Variants in ATP2B2 observed in about 807,000 individuals in gnomAD.
The protein encoded by ATP2B2 is ATPase plasma membrane Ca2+ transporting 2.
A neutral mutation model predicts 120.0 loss-of-function variants in ATP2B2; 15 were observed. The ratio of observed to expected loss-of-function variants is 0.12; its 90% CI spans 0.08 to 0.19. ATP2B2 has a LOEUF of 0.19. ATP2B2 is among the 10% of genes least tolerant of loss of function. The probability of loss-of-function intolerance (pLI) is 1.00; values close to 1 mark genes in which losing one functional copy is unlikely to be tolerated. For missense variants in ATP2B2, 1,045 were observed against 1,719.8 expected (o/e 0.61, Z 6.94); for synonymous variants, 694 against 700.3 (o/e 0.99, Z 0.14).
At chr3:10,394,564 C>T (rs1185759342) in intron 5 of ATP2B2, 1 of 462,226 alleles carries the variant, frequency 2.2e-6, no homozygotes, top group Non-Finnish European at 4.6e-6. Context: ...AGAGTGCGGG[C>T]CGAGTAGCAG....
At position 10,338,251 on chromosome 3, in the gene ATP2B2, C is replaced by T. The variant is rs1020586164; in HGVS notation, c.3345G>A (p.Glu1115=). 3 of 1,614,018 alleles carry T rather than the reference C, an allele frequency of 1.9e-6. No homozygotes were observed. The African/African-American group carries it at 4.0e-5, about 22-fold the overall frequency. ...PEEELNEDVE[E]IDHAERELRR... ...GCAGCTCCCGCTCCGCGTGGTCGAT[C>T]TCCTCCACGTCCTCGTTGAGCTCCT... The change falls in exon 22 of 23, where the codon GAG becomes GAA. Residue 1115 remains glutamate (E), a synonymous_variant. Coordinates refer to ENST00000360273, the MANE Select transcript of ATP2B2 (RefSeq NM_001001331.4).
At chr3:10,469,894 C>T (rs988479008) in intron 1 of ATP2B2, among the ~76,000 whole-genome samples, 4 of 152,004 alleles carry the variant, frequency 2.6e-5, no homozygotes, top group African/African-American at 4.8e-5. Context: ...CCTCCCAGCT[C>T]GCGCCTTGGT....
chr3:10,677,319 T>C (rs1315564222), intron 1 of ATP2B2, among the ~76,000 whole-genome samples: 1 of 152,160 alleles, frequency 6.6e-6, no homozygotes, highest in African/African-American at 2.4e-5. Flanking sequence ...AAAGGCTGCA[T>C]ACTATAAGGT....
At chr3:10,660,145 G>C (rs1199291425) in intron 1 of ATP2B2, among the ~76,000 whole-genome samples, 1 of 152,164 alleles carries the variant, frequency 6.6e-6, no homozygotes, top group Non-Finnish European at 1.5e-5. Flanking sequence ...AGAGAAATCG[G>C]GAAAGATCTA....
At chr3:10,476,686 G>A (rs919007276) in intron 1 of ATP2B2, among the ~76,000 whole-genome samples, 29 of 152,340 alleles carry the variant, frequency 1.9e-4, no homozygotes, top group Admixed American at 2.6e-4. Context: ...CCAAGCAAAC[G>A]CAAAGCTAAT....
At chr3:10,381,127 C>A (rs1157526496) in intron 8 of ATP2B2, among the ~76,000 whole-genome samples, 1 of 152,228 alleles carries the variant, frequency 6.6e-6, no homozygotes, top group Non-Finnish European at 1.5e-5. Context: ...CTTCCCCGAA[C>A]CTCGCCCAGC....
chr3:10,458,306 C>G (rs2064350242), intron 1 of ATP2B2, among the ~76,000 whole-genome samples: 1 of 152,176 alleles, frequency 6.6e-6, no homozygotes, highest in South Asian at 2.1e-4. Context: ...CACACAGAGC[C>G]CCCCAGTAAC....
At chr3:10,380,642 C>T (rs1048405271) in intron 8 of ATP2B2, among the ~76,000 whole-genome samples, 2 of 152,334 alleles carry the variant, frequency 1.3e-5, no homozygotes, top group Admixed American at 6.5e-5. Context: ...ATTGCTTCTC[C>T]AGAAGCTGCC....
At chr3:10,583,696 G>C (rs1368253066) in intron 2 of ATP2B2, among the ~76,000 whole-genome samples, 3 of 152,200 alleles carry the variant, frequency 2.0e-5, no homozygotes, top group Admixed American at 2.0e-4. Flanking sequence ...CCAATTTACA[G>C]ATGAGGAAAG....
intron 1 of ATP2B2, among the ~76,000 whole-genome samples, chr3:10,646,605 C>T (rs887318910): frequency 9.2e-5 from 14 of 152,090 alleles, no homozygotes; most frequent in Non-Finnish European, 1.8e-4. Flanking sequence ...CCTCTTTACC[C>T]CCAAAGCCCC....
chr3:10,516,009 G>A (rs988367587), intron 3 of ATP2B2, among the ~76,000 whole-genome samples: 1 of 152,144 alleles, frequency 6.6e-6, no homozygotes, highest in Non-Finnish European at 1.5e-5. Flanking sequence ...TGTTGTCAGT[G>A]ATCTCATATT....
chr3:10,701,722 T>A (rs2071822082), intron 1 of ATP2B2, among the ~76,000 whole-genome samples: 1 of 152,078 alleles, frequency 6.6e-6, no homozygotes, highest in Admixed American at 6.6e-5. Flanking sequence ...AGGAAAGCTA[T>A]GCAGACCCTC....
At chr3:10,345,654 C>G in intron 17 of ATP2B2, 79 bp from the exon 18 acceptor site, 1 of 1,383,008 alleles carries the variant, frequency 7.2e-7, no homozygotes, top group Non-Finnish European at 1.0e-6. Flanking sequence ...CTCACTCCCT[C>G]CACTTCCTCA....
intron 1 of ATP2B2, among the ~76,000 whole-genome samples, chr3:10,631,948 A>G (rs2069877107): frequency 6.6e-6 from 1 of 152,244 alleles, no homozygotes; most frequent in Non-Finnish European, 1.5e-5. Flanking sequence ...TTGCACATCC[A>G]GAAGAGAGAA....
At position 10,613,406 on chromosome 3, in the gene ATP2B2, C is replaced by G. The variant is rs2069294015; in HGVS notation, c.-415+6511G>C. On this transcript the variant is annotated intron_variant, in intron 2 of 21. Coordinates refer to the ATP2B2 transcript ENST00000646379. ...TGAGTTTGTTGCCAGCTGGTCAGAA[C>G]TGCGGGCAGCTTGGGGACCCTCCTG... Among the ~76,000 whole-genome samples, 3 of 152,160 alleles carry G rather than the reference C, an allele frequency of 2.0e-5. No homozygotes were observed. The South Asian group carries it at 6.2e-4, about 32-fold the overall frequency.
At position 10,338,244 on chromosome 3, in the gene ATP2B2, G is replaced by A; in HGVS notation, c.3352C>T (p.His1118Tyr). Residue 1118 changes from histidine (H) to tyrosine (Y), a missense_variant, in exon 22 of 23, where the codon CAC (histidine) becomes TAC (tyrosine). By Grantham distance (83) the His-to-Tyr change is moderately conservative (BLOSUM62 2). Around this residue, in one of 11 missense-constraint regions of ATP2B2, gnomAD observed 211 missense variants for 385.1 expected, o/e 0.55. Coordinates refer to ENST00000360273, the MANE Select transcript of ATP2B2 (RefSeq NM_001001331.4). The stretch of plus-strand genomic sequence containing the variant: ...CCCCGCCGCAGCTCCCGCTCCGCGT[G>A]GTCGATCTCCTCCACGTCCTCGTTG... ...ELNEDVEEID[H>Y]AERELRRGQI... 1 of 1,614,170 alleles carries A rather than the reference G, an allele frequency of 6.2e-7. No individual in the cohort carries two copies. The highest frequency in any genetic ancestry group is 8.5e-7 in the Non-Finnish European group (1 of 1,180,038).
intron 1 of ATP2B2, among the ~76,000 whole-genome samples, chr3:10,491,240 T>TC (rs1334185694): frequency 6.6e-6 from 1 of 151,478 alleles, no homozygotes; most frequent in Non-Finnish European, 1.5e-5. Context: ...TTTTTTTTTT[T>TC]TTGAGACGGT....
At chr3:10,352,666 G>C (rs2060612736) in intron 14 of ATP2B2, among the ~76,000 whole-genome samples, 1 of 152,216 alleles carries the variant, frequency 6.6e-6, no homozygotes, top group African/African-American at 2.4e-5. Flanking sequence ...TGCCACAGCG[G>C]CTAATCACAT....
chr3:10,591,768 C>A (rs767515087), intron 2 of ATP2B2, among the ~76,000 whole-genome samples: 2 of 152,130 alleles, frequency 1.3e-5, no homozygotes, highest in Non-Finnish European at 2.9e-5. Flanking sequence ...TGGTCCGATC[C>A]CAGACGAGGG....
Sources: allele counts gnomAD v4.1 joint callset (sites outside exome capture counted in the v4.1 genomes callset), GRCh38; gene constraint gnomAD v4.1.1; regional missense constraint gnomAD v4.1.1; transcripts MANE v1.5; gene names NCBI Gene and HGNC (gene_info 2026-07-23, HGNC 2026-07-21).